The following FCHO2 variants were observed in gnomAD, a reference collection of about 807,000 sequenced individuals.
FCHO2 encodes F-BAR domain only protein 2.
Under a neutral mutation model 114.1 loss-of-function variants are expected in FCHO2, and 43 were observed. That is an observed-to-expected ratio of 0.38 (90% CI 0.30 to 0.49). FCHO2 has a LOEUF of 0.49. Ranked by LOEUF, FCHO2 falls within the 20% of genes least tolerant of loss-of-function variation. The pLI is 0.97. For synonymous variants in FCHO2, 293 were observed against 315.2 expected (o/e 0.93, Z 0.75); for missense variants, 807 against 950.4 (o/e 0.85, Z 1.98).
At chr5:73,005,310 C>T (rs563768616) in intron 5 of FCHO2, among the ~76,000 whole-genome samples, 173 of 152,136 alleles carry the variant, frequency 1.1e-3, no homozygotes, top group African/African-American at 4.0e-3. Context: ...TGGTACTGAT[C>T]GGCTTTAAAC....
chr5:72,990,054 T>C (rs181926493), intron 3 of FCHO2, among the ~76,000 whole-genome samples: 1 of 152,066 alleles, frequency 6.6e-6, no homozygotes, highest in Admixed American at 6.5e-5. Flanking sequence ...ATCTAAAAAT[T>C]GGGCTTTTGC....
At chr5:73,037,813 A>G (rs932892638) in intron 10 of FCHO2, 4 of 350,756 alleles carry the variant, frequency 1.1e-5, no homozygotes, top group African/African-American at 4.5e-5. Flanking sequence ...TTGGAATGCA[A>G]TGGCGCGATC....
At chr5:73,002,183 A>C (rs1754481797) in intron 5 of FCHO2, among the ~76,000 whole-genome samples, 1 of 152,170 alleles carries the variant, frequency 6.6e-6, no homozygotes, top group Non-Finnish European at 1.5e-5. Flanking sequence ...GGAAAAAAAG[A>C]AATTTATGAA....
rs966515966 is a variant in FCHO2, at chr5:72,956,054, G to C, written c.-43G>C. 2 of 1,537,856 alleles carry C rather than the reference G, an allele frequency of 1.3e-6. No individual in the cohort carries two copies. Among genetic ancestry groups the C allele is most frequent in the Non-Finnish European group, 8.8e-7 (1 of 1,141,332 alleles). The stretch of plus-strand genomic sequence containing the variant: ...GGGGGCCGGGCCGTGTTTACACAGC[G>C]GCGGGCGGGCGCGGACGCGGAACCC... On this transcript the variant is annotated 5_prime_UTR_variant, in exon 1 of 26. Transcript: ENST00000430046.
intron 2 of FCHO2, among the ~76,000 whole-genome samples, chr5:72,980,457 T>C (rs1387316301): frequency 6.6e-6 from 1 of 152,186 alleles, no homozygotes. Flanking sequence ...AGATGTCTAT[T>C]AGGTCTGCTT....
intron 6 of FCHO2, 95 bp downstream of exon 6, chr5:73,006,644 T>C: frequency 1.3e-6 from 1 of 779,082 alleles, no homozygotes; most frequent in Non-Finnish European, 1.9e-6. Flanking sequence ...TGTTGGAAGT[T>C]TTAAAATGCA....
intron 19 of FCHO2, among the ~76,000 whole-genome samples, chr5:73,070,564 G>A (rs1283251334): frequency 6.8e-6 from 1 of 147,268 alleles, no homozygotes; most frequent in Non-Finnish European, 1.5e-5. Flanking sequence ...TTTCGCTTTA[G>A]GTTTTTTTTT....
rs116060195 is a variant in FCHO2, at chr5:73,002,951, A to T, written c.496-3494A>T. On this transcript the variant is annotated intron_variant, in intron 5 of 25. Transcript: ENST00000430046. ...TCTCAAAAGAAATTGCTATTAAAAG[A>T]AATTTATTTTTAAAAAAGTAATTTA... Among the ~76,000 whole-genome samples the T allele has an allele frequency of 5.6e-3, 853 of 152,338 alleles. 14 individuals carry two copies. The highest frequency in any genetic ancestry group is 0.02 in the African/African-American group (818 of 41,584).
chr5:72,963,491 A>AT (rs1444820300), intron 1 of FCHO2, among the ~76,000 whole-genome samples: 3 of 152,040 alleles, frequency 2.0e-5, no homozygotes, highest in Admixed American at 2.0e-4. Flanking sequence ...ACCATCAAGC[A>AT]TTTTTCTCAT....
At chr5:72,989,959 T>G (rs1243582346) in intron 3 of FCHO2, among the ~76,000 whole-genome samples, 1 of 151,972 alleles carries the variant, frequency 6.6e-6, no homozygotes, top group African/African-American at 2.4e-5. Context: ...ATTAAAAATG[T>G]GTTCCTTGAA....
chr5:73,085,160 C>T (rs1743252720), intron 24 of FCHO2, among the ~76,000 whole-genome samples: 1 of 151,880 alleles, frequency 6.6e-6, no homozygotes, highest in Admixed American at 6.6e-5. Flanking sequence ...ACCATCCTGG[C>T]CAACATGGTG....
intron 8 of FCHO2, among the ~76,000 whole-genome samples, chr5:73,023,687 C>T (rs956789806): frequency 5.4e-5 from 8 of 148,598 alleles, no homozygotes; most frequent in African/African-American, 7.4e-5. Context: ...GCAACAAGAG[C>T]GAAACTCCAT....
chr5:73,042,313 C>A (rs1336550228), intron 11 of FCHO2, among the ~76,000 whole-genome samples: 1 of 152,112 alleles, frequency 6.6e-6, no homozygotes, highest in Non-Finnish European at 1.5e-5. Context: ...TGAAAAGCAG[C>A]AGATGTGTTT....
At chr5:72,996,909 G>C in intron 5 of FCHO2, 1 of 1,573,416 alleles carries the variant, frequency 6.4e-7, no homozygotes, top group Non-Finnish European at 8.6e-7. Flanking sequence ...GGCAGTGCCA[G>C]GGTCATCAGG....
intron 22 of FCHO2, 61 bp downstream of exon 22, chr5:73,078,373 AT>A: frequency 7.1e-7 from 1 of 1,409,696 alleles, no homozygotes; most frequent in Non-Finnish European, 9.6e-7. Context: ...AATCTAGCAT[AT>A]AAATGAATAA....
intron 8 of FCHO2, among the ~76,000 whole-genome samples, chr5:73,019,132 A>G (rs17399067): frequency 0.047 from 7,158 of 152,300 alleles, 253 homozygotes; most frequent in South Asian, 0.14. Context: ...AGTGGTCTAT[A>G]CAAGGAAGTA....
chr5:73,002,729 C>T (rs776515878), intron 5 of FCHO2, among the ~76,000 whole-genome samples: 20 of 152,180 alleles, frequency 1.3e-4, no homozygotes, highest in Non-Finnish European at 2.4e-4. Flanking sequence ...TATCACCACG[C>T]TGGGAACTAT....
chr5:73,044,103 A>T (rs967335346), intron 11 of FCHO2, among the ~76,000 whole-genome samples: 1 of 152,094 alleles, frequency 6.6e-6, no homozygotes, highest in African/African-American at 2.4e-5. Flanking sequence ...TGGCCATGTA[A>T]GATATGCTTC....
At chr5:73,025,929 C>T (rs1755892502) in intron 8 of FCHO2, among the ~76,000 whole-genome samples, 1 of 152,192 alleles carries the variant, frequency 6.6e-6, no homozygotes, top group Non-Finnish European at 1.5e-5. Context: ...CGGATGAGTT[C>T]CACCCTAAAC....
Sources: gnomAD v4.1 joint callset for allele counts (sites outside exome capture counted in the v4.1 genomes callset) on GRCh38, gnomAD v4.1.1 for gene constraint, MANE v1.5 for transcripts, NCBI Gene and HGNC (gene_info 2026-07-23, HGNC 2026-07-21) for gene names.